Variants in TBX1 observed in about 807,000 individuals in gnomAD.
TBX1 encodes the protein T-box transcription factor TBX1.
In TBX1, 16 loss-of-function variants were observed where a neutral mutation model predicts 40.8. That is an observed-to-expected ratio of 0.39 (90% CI 0.27 to 0.60). The LOEUF (loss-of-function observed/expected upper bound fraction) is 0.60, where lower values mean the gene tolerates loss of function less well. Ranked by LOEUF, TBX1 falls within the 20% of genes least tolerant of loss-of-function variation. TBX1 has a pLI of 0.51. For synonymous variants in TBX1, 403 were observed against 336.8 expected, an observed-to-expected ratio of 1.20 and a Z score of -2.15; for missense variants, 755 against 728.5, an observed-to-expected ratio of 1.04 and a Z score of -0.42.
intron 8 of TBX1, among the ~76,000 whole-genome samples, chr22:19,772,486 C>T (rs945209681): frequency 4.6e-5 from 7 of 151,740 alleles, no homozygotes; most frequent in African/African-American, 1.2e-4. Flanking sequence ...TTTGTAGAGA[C>T]ATATGAGTCT....
intron 8 of TBX1, among the ~76,000 whole-genome samples, chr22:19,774,355 G>A (rs41297786): frequency 3.5e-4 from 54 of 152,344 alleles, no homozygotes; most frequent in Admixed American, 3.1e-3. Flanking sequence ...CCAGGCTGCA[G>A]TGAGCTACGA....
upstream of TBX1, among the ~76,000 whole-genome samples, chr22:19,758,970 C>A: frequency 6.6e-6 from 1 of 152,230 alleles, no homozygotes; most frequent in Admixed American, 6.5e-5. Context: ...AGAGCCCAAG[C>A]TGCCCTCTCC....
rs1223320618 is a variant in TBX1, at chr22:19,764,190, G to A, written c.575G>A (p.Gly192Glu). The A allele has an allele frequency of 6.2e-7, 1 of 1,612,816 alleles. No individual in the cohort carries two copies. The highest frequency in any genetic ancestry group is 1.1e-5 in the South Asian group (1 of 91,070). Reference sequence around the variant, plus strand: ...CACAGCTCCTCCTGGCTGGTGGCGGGGAAGGCCGACCCTGCCACGCCAGGC... The same window carrying A: ...CACAGCTCCTCCTGGCTGGTGGCGGAGAAGGCCGACCCTGCCACGCCAGGC... ...AFHSSSWLVA[G>E]KADPATPGRV... The change falls in exon 3 of 7, where the codon GGG (glycine) becomes GAG (glutamate). Residue 192 changes from glycine (G) to glutamate (E), a missense_variant. By Grantham distance (98) the Gly-to-Glu change is moderately conservative. Around this residue, in one of 3 missense-constraint regions of TBX1, gnomAD observed 144 missense variants for 238.0 expected, o/e 0.61. Coordinates refer to ENST00000649276, the MANE Select transcript of TBX1 (RefSeq NM_001379200.1).
intron 6 of TBX1, 147 bp from the exon 7 acceptor site, chr22:19,766,242 A>C (rs1440720360): frequency 8.8e-7 from 1 of 1,130,474 alleles, no homozygotes; most frequent in Non-Finnish European, 1.1e-6. Flanking sequence ...GGCGCCGGCG[A>C]CTTGGGGTCT....
rs1243576480 is a variant in TBX1, at chr22:19,764,143, G to A, written c.540-12G>A. ...ACCTCCACATGCACGACCCCACCCC[G>A]TGCCGCTCCAGGTACGCCTTCCACA... On this transcript the variant is annotated splice_polypyrimidine_tract_variant and intron_variant, in intron 2 of 6. Transcript: ENST00000649276. The A allele has an allele frequency of 1.2e-5, 20 of 1,612,490 alleles. No individual in the cohort carries two copies. In the Admixed American group the frequency reaches 2.0e-4, roughly 16 times the overall value.
downstream of TBX1, among the ~76,000 whole-genome samples, chr22:19,772,102 GT>G (rs1348442721): frequency 6.6e-6 from 1 of 152,136 alleles, no homozygotes; most frequent in African/African-American, 2.4e-5. Context: ...CCTCTCAACA[GT>G]TTTTTTGTTT....
At chr22:19,782,924 G>C (rs537289976), downstream of TBX1, 481 of 1,613,172 alleles carry the variant, frequency 3.0e-4, 4 homozygotes, top group South Asian at 4.9e-3. Flanking sequence ...GCTGGTCACA[G>C]AAGGCTCTGG....
At chr22:19,768,932 C>G (rs960889557), downstream of TBX1, among the ~76,000 whole-genome samples, 15 of 145,208 alleles carry the variant, frequency 1.0e-4, no homozygotes, top group Non-Finnish European at 2.2e-4. Context: ...CCGCCGCTGG[C>G]CATCCGGGGC....
At chr22:19,759,543 C>G, upstream of TBX1, 1 of 1,560,470 alleles carries the variant, frequency 6.4e-7, no homozygotes, top group South Asian at 1.2e-5. Flanking sequence ...TTCAGCATCG[C>G]CTCTCTGGTT....
chr22:19,761,804 G>A (rs1936675845), intron 1 of TBX1, among the ~76,000 whole-genome samples: 1 of 152,258 alleles, frequency 6.6e-6, no homozygotes, highest in African/African-American at 2.4e-5. Context: ...AGCGTGCACT[G>A]TTGCGTGGAA....
In TBX1 at chr22:19,775,961, G is replaced by A. The variant is rs527253366; in HGVS notation, c.1010-3259G>A. ...GCATCAGAAGGCTGGTGACAGCCTTGCAGGGAGACGGAGGGTTACCGGAGC... is the reference window on the plus strand; with the variant it reads ...GCATCAGAAGGCTGGTGACAGCCTTACAGGGAGACGGAGGGTTACCGGAGC... On this transcript the variant is annotated intron_variant, in intron 8 of 8. Transcript: ENST00000329705. 3.3e-5 allele frequency among the ~76,000 whole-genome samples: 5 copies of A among 152,280 alleles called. No homozygotes were observed. In the South Asian group the frequency reaches 1.0e-3, roughly 32 times the overall value.
At chr22:19,763,407 T>A in intron 2 of TBX1, 65 bp downstream of exon 2, 1 of 1,471,176 alleles carries the variant, frequency 6.8e-7, no homozygotes, top group Non-Finnish European at 9.5e-7. Context: ...GGTCTCCGCC[T>A]GGTGACCCAA....
At chr22:19,769,369 C>T (rs145429539), downstream of TBX1, among the ~76,000 whole-genome samples, 2 of 152,364 alleles carry the variant, frequency 1.3e-5, no homozygotes, top group East Asian at 1.9e-4. Flanking sequence ...GCTGTTGCTG[C>T]TGAGGGCACT....
chr22:19,759,132 C>T (rs1470878066), upstream of TBX1, among the ~76,000 whole-genome samples: 1 of 152,184 alleles, frequency 6.6e-6, no homozygotes, highest in Non-Finnish European at 1.5e-5. Context: ...CACCTCTCCT[C>T]GGGGGGCTGT....
At chr22:19,756,893 G>A (rs1053019950), upstream of TBX1, 3 of 152,300 alleles carry the variant, frequency 2.0e-5, no homozygotes, top group Non-Finnish European at 4.4e-5. Context: ...GGCAGGTGAA[G>A]AGGAGTGTGG....
At chr22:19,783,166 C>T, downstream of TBX1, 1 of 686,944 alleles carries the variant, frequency 1.5e-6, no homozygotes, top group South Asian at 1.5e-5. Context: ...CTCAGCCCAG[C>T]CTCTCCTAAA....
chr22:19,764,037 G>A, intron 2 of TBX1, 118 bp from the exon 3 acceptor site: 1 of 1,134,194 alleles, frequency 8.8e-7, no homozygotes, highest in African/African-American at 1.5e-5. Context: ...GGCAGCAGAG[G>A]GTTCAATCTC....
At chr22:19,763,182 C>A in intron 1 of TBX1, 59 bp from the exon 2 acceptor site, 1 of 1,422,900 alleles carries the variant, frequency 7.0e-7, no homozygotes, top group South Asian at 1.2e-5. Context: ...CAGCCCCAGG[C>A]AGGTCAAGGG....
downstream of TBX1, among the ~76,000 whole-genome samples, chr22:19,771,541 G>A (rs1356170368): frequency 6.6e-6 from 1 of 152,144 alleles, no homozygotes; most frequent in Admixed American, 6.5e-5. Flanking sequence ...AATTATAAAG[G>A]GTGATGGCAT....
Sources: allele counts gnomAD v4.1 joint callset (sites outside exome capture counted in the v4.1 genomes callset), GRCh38; gene constraint gnomAD v4.1.1; regional missense constraint gnomAD v4.1.1; transcripts MANE v1.5; gene names NCBI Gene and HGNC (gene_info 2026-07-23, HGNC 2026-07-21).